The following SEMA6D variants were observed in gnomAD, a reference collection of about 807,000 sequenced individuals.
SEMA6D encodes semaphorin-6D.
In SEMA6D, 35 loss-of-function variants were observed where a neutral mutation model predicts 106.6. The ratio of observed to expected loss-of-function variants is 0.33; its 90% confidence interval spans 0.25 to 0.44. SEMA6D has a LOEUF of 0.44. Among genes scored for constraint, SEMA6D ranks in the 20% least tolerant of loss-of-function variants. SEMA6D has a pLI of 1.00. For missense variants in SEMA6D, 1,185 were observed against 1,345.9 expected, an observed-to-expected ratio of 0.88 and a Z score of 1.87; for synonymous variants, 499 against 487.7, an observed-to-expected ratio of 1.02 and a Z score of -0.31.
chr15:47,443,853 G>C (rs916163899), intron 2 of SEMA6D, among the ~76,000 whole-genome samples: 8 of 150,830 alleles, frequency 5.3e-5, no homozygotes, highest in Non-Finnish European at 1.0e-4. Flanking sequence ...GCCACCTACC[G>C]TGGAAAACTG....
chr15:47,720,261 CTTTTTTTTT>C (rs869122623), intron 1 of SEMA6D, among the ~76,000 whole-genome samples: 5 of 97,152 alleles, frequency 5.1e-5, no homozygotes, highest in South Asian at 3.7e-4. Context: ...AATAACCTTT[CTTTTTTTTT>C]TTTTTTTTTT....
chr15:47,317,029 ATCTG>A (rs2036710996), intron 1 of SEMA6D, among the ~76,000 whole-genome samples: 1 of 152,118 alleles, frequency 6.6e-6, no homozygotes, highest in Non-Finnish European at 1.5e-5. Context: ...TCACTAGTGA[ATCTG>A]TCTGGGCTGG....
intron 1 of SEMA6D, among the ~76,000 whole-genome samples, chr15:47,273,251 TAA>T (rs5812368): frequency 6.8e-6 from 1 of 147,642 alleles, no homozygotes. Flanking sequence ...TGTCTTGCCT[TAA>T]AAAAAAAAAG....
At chr15:47,347,458 A>G (rs2038093632) in intron 1 of SEMA6D, among the ~76,000 whole-genome samples, 1 of 152,246 alleles carries the variant, frequency 6.6e-6, no homozygotes, top group South Asian at 2.1e-4. Flanking sequence ...AGACTGCAGC[A>G]CTTGTTTTAA....
intron 4 of SEMA6D, among the ~76,000 whole-genome samples, chr15:47,611,405 T>C (rs1425167823): frequency 6.6e-6 from 1 of 152,210 alleles, no homozygotes; most frequent in Admixed American, 6.5e-5. Context: ...GGGAAAATAG[T>C]CACAATTTTT....
chr15:47,631,067 G>A (rs898203338), intron 4 of SEMA6D, among the ~76,000 whole-genome samples: 1 of 151,754 alleles, frequency 6.6e-6, no homozygotes, highest in African/African-American at 2.4e-5. Flanking sequence ...CTTGTTTGTG[G>A]TGTCTTTATC....
At position 47,673,581 on chromosome 15, in the gene SEMA6D, C is replaced by T. The variant is rs1397728924; in HGVS notation, c.-55+72685C>T. 3.3e-5 allele frequency among the ~76,000 whole-genome samples: 5 copies of T among 152,180 alleles called. No homozygotes were observed. In the East Asian group the frequency reaches 5.8e-4, roughly 18 times the overall value. On this transcript the variant is annotated intron_variant, in intron 4 of 19. Coordinates refer to the SEMA6D transcript ENST00000558014. ...AGGGATAAGGTTTGCAGGGGAACCTCGTTTTGATGCAGTGGGAACACTGTA... is the reference window on the plus strand; with the variant it reads ...AGGGATAAGGTTTGCAGGGGAACCTTGTTTTGATGCAGTGGGAACACTGTA...
rs71432251 is a variant in SEMA6D at position 47,772,357 on chromosome 15, CGTGTGTGTGTGTGTGTGTGTGT to C, written c.*585_*606del. 1.4e-5 allele frequency: 2 copies of C among 141,546 alleles called. No individual in the cohort carries two copies. Among genetic ancestry groups the C allele is most frequent in the Non-Finnish European group, 3.0e-5 (2 of 66,140 alleles). The allele number at this position is 141,546 out of a possible 1,614,324, so 8.8% of individuals were successfully genotyped here. A position where few individuals can be genotyped will look rare whatever the true frequency, so the allele number is the denominator to read the frequency against. The stretch of plus-strand genomic sequence containing the variant: ...CACCAACAAACTTGTTGTGTGTGTG[CGTGTGTGTGTGTGTGTGTGTGT>C]GTGTGTGTGTGTTCTGTACCCACTA... On this transcript the variant is annotated 3_prime_UTR_variant, in exon 19 of 19. Transcript: ENST00000536845.
intron 2 of SEMA6D, among the ~76,000 whole-genome samples, chr15:47,429,734 T>C (rs1043533343): frequency 1.3e-5 from 2 of 151,296 alleles, no homozygotes; most frequent in African/African-American, 4.8e-5. Context: ...ATTAAAATGG[T>C]TCAAGAGTAT....
chr15:47,582,781 C>T (rs953663073), intron 3 of SEMA6D, among the ~76,000 whole-genome samples: 3 of 152,184 alleles, frequency 2.0e-5, no homozygotes, highest in Non-Finnish European at 4.4e-5. Context: ...CTGCCAGCCT[C>T]TCAAGGGCAG....
intron 3 of SEMA6D, among the ~76,000 whole-genome samples, chr15:47,486,906 A>G (rs1478649339): frequency 6.6e-6 from 1 of 152,188 alleles, no homozygotes; most frequent in Non-Finnish European, 1.5e-5. Flanking sequence ...CAGTCAAGGC[A>G]TATGTACTGT....
At chr15:47,703,300 A>G (rs2078850381) in intron 4 of SEMA6D, among the ~76,000 whole-genome samples, 1 of 152,148 alleles carries the variant, frequency 6.6e-6, no homozygotes, top group Non-Finnish European at 1.5e-5. Flanking sequence ...CATTCATTTT[A>G]TTGTACTTTG....
chr15:47,760,159 C>CATTTTATATTCA, intron 2 of SEMA6D, 145 bp from the exon 3 acceptor site: 1 of 651,170 alleles, frequency 1.5e-6, no homozygotes, highest in Non-Finnish European at 2.7e-6. Flanking sequence ...ACATTCACTG[C>CATTTTATATTCA]CTTTTATTCA....
At chr15:47,699,479 C>T (rs1157619882) in intron 4 of SEMA6D, among the ~76,000 whole-genome samples, 1 of 152,088 alleles carries the variant, frequency 6.6e-6, no homozygotes, top group African/African-American at 2.4e-5. Context: ...GCATTTTCAC[C>T]ACATCAAATC....
chr15:47,763,424 T>C (rs2082169067), intron 9 of SEMA6D, among the ~76,000 whole-genome samples: 1 of 152,198 alleles, frequency 6.6e-6, no homozygotes, highest in South Asian at 2.1e-4. Flanking sequence ...GTCTATTCTT[T>C]CTCAGCGTCA....
intron 4 of SEMA6D, among the ~76,000 whole-genome samples, chr15:47,665,601 A>G (rs951493278): frequency 6.6e-6 from 1 of 152,164 alleles, no homozygotes; most frequent in African/African-American, 2.4e-5. Flanking sequence ...CCTGAGGTCA[A>G]GAGTGTGAGA....
chr15:47,354,497 T>TTATATA (rs368121186), intron 1 of SEMA6D, among the ~76,000 whole-genome samples: 69 of 145,484 alleles, frequency 4.7e-4, no homozygotes, highest in African/African-American at 1.6e-3. Context: ...AAGAACTAAG[T>TTATATA]TATATATATA....
intron 3 of SEMA6D, among the ~76,000 whole-genome samples, chr15:47,478,434 C>A (rs1289984808): frequency 6.6e-6 from 1 of 152,170 alleles, no homozygotes; most frequent in Non-Finnish European, 1.5e-5. Flanking sequence ...AGGGCAATAA[C>A]AGAGTTTAAA....
chr15:47,208,840 C>G (rs929565613), intron 1 of SEMA6D, among the ~76,000 whole-genome samples: 1 of 152,154 alleles, frequency 6.6e-6, no homozygotes, highest in African/African-American at 2.4e-5. Context: ...AGTATTTTCA[C>G]TGATAAATAA....
Sources: allele counts gnomAD v4.1 joint callset (sites outside exome capture counted in the v4.1 genomes callset), GRCh38; gene constraint gnomAD v4.1.1; transcripts MANE v1.5; gene names NCBI Gene and HGNC (gene_info 2026-07-23, HGNC 2026-07-21).